Variants in CEP85L observed in about 807,000 individuals in gnomAD.
The protein encoded by CEP85L is centrosomal protein of 85 kDa-like.
A neutral mutation model predicts 100.3 loss-of-function variants in CEP85L; 60 were observed. The observed-to-expected ratio is 0.60, with a 90% CI of 0.49 to 0.74. The LOEUF is 0.74. Among genes scored for constraint, CEP85L ranks in the 30% least tolerant of loss-of-function variants. The pLI is 0.00. For synonymous variants in CEP85L, 319 were observed against 322.7 expected (o/e 0.99, Z 0.12); for missense variants, 973 against 936.2 (o/e 1.04, Z -0.51).
chr6:118,531,974 C>A (rs1025976366), intron 3 of CEP85L, among the ~76,000 whole-genome samples: 1 of 152,092 alleles, frequency 6.6e-6, no homozygotes, highest in Non-Finnish European at 1.5e-5. Flanking sequence ...GCAGAATTAC[C>A]ATTTGACATG....
chr6:118,582,982 T>G (rs553956600), intron 2 of CEP85L, among the ~76,000 whole-genome samples: 95 of 152,290 alleles, frequency 6.2e-4, no homozygotes, highest in African/African-American at 2.3e-3. Context: ...CATTGCACGC[T>G]TGTAAAGTCC....
chr6:118,605,445 A>G (rs1481686120), intron 2 of CEP85L, among the ~76,000 whole-genome samples: 1 of 152,178 alleles, frequency 6.6e-6, no homozygotes, highest in Non-Finnish European at 1.5e-5. Flanking sequence ...GCCATCCCTT[A>G]AAGTATATTT....
intron 2 of CEP85L, among the ~76,000 whole-genome samples, chr6:118,602,518 CAG>C (rs1781838090): frequency 6.6e-6 from 1 of 152,182 alleles, no homozygotes; most frequent in Admixed American, 6.5e-5. Context: ...GAGCAACAGT[CAG>C]AGATCACCTG....
intron 3 of CEP85L, among the ~76,000 whole-genome samples, chr6:118,557,513 C>A (rs986306760): frequency 1.3e-5 from 2 of 152,182 alleles, no homozygotes; most frequent in Admixed American, 1.3e-4. Context: ...ACTCTGGTTT[C>A]CTCCCATATC....
chr6:118,481,517 T>G (rs1361519912), intron 8 of CEP85L, among the ~76,000 whole-genome samples: 1 of 152,056 alleles, frequency 6.6e-6, no homozygotes, highest in African/African-American at 2.4e-5. Context: ...TCAAAGGAGA[T>G]GCCCATGGCA....
intron 2 of CEP85L, among the ~76,000 whole-genome samples, chr6:118,597,829 G>A (rs1034669151): frequency 9.9e-5 from 15 of 152,160 alleles, no homozygotes; most frequent in Admixed American, 6.5e-4. Context: ...TCTGGATACC[G>A]TGTGGGGCCT....
intron 5 of CEP85L, among the ~76,000 whole-genome samples, chr6:118,498,575 C>T (rs1452027736): frequency 2.8e-5 from 3 of 107,968 alleles, no homozygotes; most frequent in South Asian, 3.2e-4. Context: ...CCCTAGGAAA[C>T]ATAGTGAGAC....
rs550086608 is a variant in CEP85L, at chr6:118,505,631, A to G, written c.1257+5667T>C. On this transcript the variant is annotated intron_variant, in intron 5 of 12. Coordinates refer to ENST00000368491, the MANE Select transcript of CEP85L (RefSeq NM_001042475.3). Reference sequence around the variant, plus strand: ...TACTAAGTGAAAGAAGCCAGTTTAAAAAGAAATGGTTTGAATAGTATGTAC... The same window carrying G: ...TACTAAGTGAAAGAAGCCAGTTTAAGAAGAAATGGTTTGAATAGTATGTAC... Among the ~76,000 whole-genome samples, 3 of 152,268 alleles carry G rather than the reference A, an allele frequency of 2.0e-5. No individual in the cohort carries two copies. In the South Asian group the frequency reaches 6.2e-4, roughly 32 times the overall value.
chr6:118,500,725 C>G (rs1204128163), intron 5 of CEP85L, among the ~76,000 whole-genome samples: 2 of 152,166 alleles, frequency 1.3e-5, no homozygotes, highest in African/African-American at 4.8e-5. Flanking sequence ...CTGCCCCAAA[C>G]AGCAACAAAA....
intron 10 of CEP85L, among the ~76,000 whole-genome samples, chr6:118,474,876 T>TA (rs1265198499): frequency 1.3e-5 from 2 of 152,218 alleles, no homozygotes; most frequent in Non-Finnish European, 2.9e-5. Flanking sequence ...CCCTATAGGC[T>TA]AAATCCATAG....
intron 1 of CEP85L, among the ~76,000 whole-genome samples, chr6:118,638,207 C>CAA (rs200482893): frequency 1.6e-5 from 2 of 123,792 alleles, no homozygotes; most frequent in East Asian, 2.3e-4. Context: ...GAGACCGTCT[C>CAA]AAAAAAAAAA....
chr6:118,505,397 C>T (rs1275988931), intron 5 of CEP85L, among the ~76,000 whole-genome samples: 1 of 111,834 alleles, frequency 8.9e-6, no homozygotes. Context: ...GCCAAGATCA[C>T]GTCACTGTAC....
chr6:118,461,678 G>A lies in CEP85L; in HGVS notation c.*3727C>T, dbSNP rs1772242345. ...ATATGATATAATCATATGGCAATAT[G>A]CCACCCATGGCATTTTGGGGCAAAG... On this transcript the variant is annotated 3_prime_UTR_variant, in exon 13 of 13. Transcript: ENST00000368491. The A allele has an allele frequency of 6.6e-6, 1 of 151,874 alleles. No homozygotes were observed. The highest frequency in any genetic ancestry group is 1.5e-5 in the Non-Finnish European group (1 of 67,926). The allele number at this position is 151,874 out of a possible 1,614,324, so 9.4% of individuals were successfully genotyped here.
chr6:118,672,933 T>C (rs751817201), intron 1 of CEP85L, among the ~76,000 whole-genome samples: 13 of 152,088 alleles, frequency 8.5e-5, no homozygotes, highest in Admixed American at 1.3e-4. Flanking sequence ...GGAGCTCCCA[T>C]GTGTCTACAT....
chr6:118,493,082 A>G (rs1471669062), intron 5 of CEP85L, among the ~76,000 whole-genome samples: 1 of 152,170 alleles, frequency 6.6e-6, no homozygotes, highest in African/African-American at 2.4e-5. Context: ...AGTACAAAGT[A>G]TTGGGAGAAA....
intron 1 of CEP85L, among the ~76,000 whole-genome samples, chr6:118,633,887 A>G (rs771912070): frequency 5.3e-5 from 8 of 152,266 alleles, no homozygotes; most frequent in Non-Finnish European, 1.0e-4. Flanking sequence ...GTTCCCCTAC[A>G]TGAATTTTAG....
At chr6:118,502,690 C>T in intron 5 of CEP85L, 1 of 458,838 alleles carries the variant, frequency 2.2e-6, no homozygotes, top group East Asian at 4.0e-5. Context: ...GAACACCTGA[C>T]CCCTTCCCAA....
intron 4 of CEP85L, among the ~76,000 whole-genome samples, chr6:118,513,222 T>G (rs1776072117): frequency 6.6e-6 from 1 of 151,870 alleles, no homozygotes; most frequent in African/African-American, 2.4e-5. Context: ...CAAATACATG[T>G]ACAATTGGAA....
chr6:118,596,301 G>A (rs1256931690), intron 2 of CEP85L, among the ~76,000 whole-genome samples: 1 of 152,090 alleles, frequency 6.6e-6, no homozygotes, highest in East Asian at 1.9e-4. Flanking sequence ...TATTCCTTAT[G>A]TTCTGATGCA....
Sources: gnomAD v4.1 joint callset for allele counts (sites outside exome capture counted in the v4.1 genomes callset) on GRCh38, gnomAD v4.1.1 for gene constraint, MANE v1.5 for transcripts, NCBI Gene and HGNC (gene_info 2026-07-23, HGNC 2026-07-21) for gene names.